AFF3: variants seen among roughly 807,000 people sequenced by gnomAD.
The protein encoded by AFF3 is AF4/FMR2 family member 3.
AFF3 carries 32 observed loss-of-function variants against 129.7 expected under a neutral mutation model. That is an observed-to-expected ratio of 0.25 (90% CI 0.19 to 0.33). The LOEUF is 0.33. AFF3 is among the 10% of genes least tolerant of loss of function. The pLI is 1.00. For synonymous variants in AFF3, 644 were observed against 635.4 expected (o/e 1.01, Z -0.20); for missense variants, 1,373 against 1,592.0 (o/e 0.86, Z 2.34).
At chr2:99,815,771 T>G (rs1486235059) in intron 8 of AFF3, among the ~76,000 whole-genome samples, 2 of 151,998 alleles carry the variant, frequency 1.3e-5, no homozygotes, top group Non-Finnish European at 2.9e-5. Context: ...GCTTGTTAGT[T>G]TCTGACAAGA....
chr2:100,095,908 T>C (rs1219559693), intron 4 of AFF3, among the ~76,000 whole-genome samples: 1 of 152,134 alleles, frequency 6.6e-6, no homozygotes, highest in Non-Finnish European at 1.5e-5. Context: ...GAGAAGAAGG[T>C]TGGCCGAGCG....
intron 11 of AFF3, among the ~76,000 whole-genome samples, chr2:99,695,268 G>A (rs1676084343): frequency 6.6e-6 from 1 of 152,206 alleles, no homozygotes; most frequent in African/African-American, 2.4e-5. Context: ...CAGCACCAGT[G>A]GCCCTGGCTG....
rs189927941 is a variant in AFF3, at chr2:100,087,257, G to A, written c.53+17145C>T. ...AGGTATTTGAATTTTTTACCCCTGT[G>A]CTAAATAATTATACTTACATACTTA... On this transcript the variant is annotated intron_variant, in intron 4 of 24. Coordinates refer to ENST00000672756, the MANE Select transcript of AFF3 (RefSeq NM_001386135.1). Among the ~76,000 whole-genome samples the A allele has an allele frequency of 3.3e-5, 5 of 152,146 alleles. No individual in the cohort carries two copies. In the East Asian group the frequency reaches 9.6e-4, roughly 29 times the overall value.
intron 23 of AFF3, 68 bp from the exon 24 acceptor site, chr2:99,554,602 G>A (rs1219156826): frequency 6.2e-6 from 10 of 1,609,982 alleles, no homozygotes; most frequent in Non-Finnish European, 8.5e-6. Flanking sequence ...GCAGCCCCTT[G>A]GGGAACAGAA....
chr2:99,887,284 C>G (rs1286488224), intron 7 of AFF3, among the ~76,000 whole-genome samples: 1 of 152,178 alleles, frequency 6.6e-6, no homozygotes, highest in Non-Finnish European at 1.5e-5. Context: ...TAAACATACT[C>G]TATTGTTTCC....
intron 11 of AFF3, among the ~76,000 whole-genome samples, chr2:99,702,339 T>C (rs1451080085): frequency 6.6e-6 from 1 of 152,118 alleles, no homozygotes; most frequent in East Asian, 1.9e-4. Flanking sequence ...GGTTTTAATA[T>C]GCATTTTCTT....
chr2:99,849,233 C>T (rs973237032), intron 7 of AFF3, among the ~76,000 whole-genome samples: 1 of 152,148 alleles, frequency 6.6e-6, no homozygotes, highest in South Asian at 2.1e-4. Flanking sequence ...AACCACTTTA[C>T]ATGGCAGCCC....
intron 8 of AFF3, among the ~76,000 whole-genome samples, chr2:99,803,804 CA>C (rs1196891442): frequency 1.3e-5 from 2 of 152,138 alleles, no homozygotes; most frequent in African/African-American, 4.8e-5. Context: ...TGATCTTTGA[CA>C]AAGCACACAA....
At chr2:99,862,913 C>T (rs1691100766) in intron 7 of AFF3, among the ~76,000 whole-genome samples, 1 of 152,212 alleles carries the variant, frequency 6.6e-6, no homozygotes, top group Non-Finnish European at 1.5e-5. Context: ...TCTACTCCAA[C>T]CACTTCCTAT....
intron 7 of AFF3, among the ~76,000 whole-genome samples, chr2:99,939,507 T>C (rs1674831692): frequency 1.3e-5 from 2 of 152,210 alleles, no homozygotes; most frequent in African/African-American, 2.4e-5. Context: ...GCTCCTCTCC[T>C]ACAGAAGAGC....
intron 12 of AFF3, among the ~76,000 whole-genome samples, chr2:99,654,396 C>G (rs887793049): frequency 1.3e-5 from 2 of 152,062 alleles, no homozygotes; most frequent in Non-Finnish European, 2.9e-5. Flanking sequence ...ACTGACTCCT[C>G]TCTTTAAAAA....
chr2:100,042,809 G>T (rs1310576488), intron 4 of AFF3, among the ~76,000 whole-genome samples: 1 of 152,188 alleles, frequency 6.6e-6, no homozygotes, highest in Non-Finnish European at 1.5e-5. Flanking sequence ...TAACTGCCTA[G>T]AACATCAGAG....
intron 7 of AFF3, among the ~76,000 whole-genome samples, chr2:99,860,880 T>C (rs769190848): frequency 4.6e-5 from 7 of 152,212 alleles, no homozygotes; most frequent in East Asian, 3.9e-4. Flanking sequence ...TTCTGTGAGT[T>C]TGTATACATG....
At chr2:100,040,575 C>A (rs1685336147) in intron 4 of AFF3, among the ~76,000 whole-genome samples, 1 of 152,100 alleles carries the variant, frequency 6.6e-6, no homozygotes, top group African/African-American at 2.4e-5. Context: ...ACCATGAATC[C>A]CTGATGAGAG....
chr2:99,683,091 A>G lies in AFF3; in HGVS notation c.1092-10502T>C, dbSNP rs371134310. Among the ~76,000 whole-genome samples the G allele has an allele frequency of 1.0e-3, 155 of 152,300 alleles. 1 individual carries two copies. Among genetic ancestry groups the G allele is most frequent in the African/African-American group, 3.6e-3 (150 of 41,570 alleles). ...CCTATGTTAAGTGTCTACTTGAAAT[A>G]CCTAGAGTGGTTTCTCTTCTCCAGA... is the stretch of plus-strand genomic sequence containing the variant. On this transcript the variant is annotated intron_variant, in intron 11 of 24. Transcript: ENST00000672756.
chr2:99,715,339 T>C (rs1678276022), intron 11 of AFF3, among the ~76,000 whole-genome samples: 1 of 152,242 alleles, frequency 6.6e-6, no homozygotes, highest in Non-Finnish European at 1.5e-5. Context: ...CTGATCAGTA[T>C]CAACTGCAGA....
chr2:99,549,411 C>G lies in AFF3; in HGVS notation c.*2063G>C, dbSNP rs970006313. The G allele has an allele frequency of 5.6e-6, 1 of 179,856 alleles. No homozygotes were observed. The highest frequency in any genetic ancestry group is 1.2e-5 in the Non-Finnish European group (1 of 84,108). 11.1% of individuals were successfully genotyped at this position (179,856 alleles called of 1,614,324 possible). ...ACGAGCCTGGCCAACATGGTGAAACCCAGTCTCTACTAAAAACACAAAAAT... is the reference window on the plus strand; with the variant it reads ...ACGAGCCTGGCCAACATGGTGAAACGCAGTCTCTACTAAAAACACAAAAAT... On this transcript the variant is annotated 3_prime_UTR_variant, in exon 25 of 25. Coordinates refer to ENST00000672756, the MANE Select transcript of AFF3 (RefSeq NM_001386135.1).
intron 7 of AFF3, among the ~76,000 whole-genome samples, chr2:99,968,599 G>A (rs1016254517): frequency 2.6e-5 from 4 of 152,170 alleles, no homozygotes; most frequent in Non-Finnish European, 1.5e-5. Flanking sequence ...ACAACTAGGA[G>A]TTGAGATGGC....
intron 11 of AFF3, among the ~76,000 whole-genome samples, chr2:99,673,700 C>T (rs1687368737): frequency 6.6e-6 from 1 of 152,130 alleles, no homozygotes; most frequent in South Asian, 2.1e-4. Flanking sequence ...AAAGGCTGTC[C>T]CCTAAAATGT....
Sources: gnomAD v4.1 joint callset for allele counts (sites outside exome capture counted in the v4.1 genomes callset) on GRCh38, gnomAD v4.1.1 for gene constraint, MANE v1.5 for transcripts, NCBI Gene and HGNC (gene_info 2026-07-23, HGNC 2026-07-21) for gene names.